SYT16: variants seen among roughly 807,000 people sequenced by gnomAD.
SYT16 encodes synaptotagmin 16, also known as synaptotagmin-16.
Under a neutral mutation model 61.4 loss-of-function variants are expected in SYT16, and 42 were observed. That is an observed-to-expected ratio of 0.68 (90% CI 0.53 to 0.89). The LOEUF is 0.89. Ranked by LOEUF, SYT16 falls within the 40% of genes least tolerant of loss-of-function variation. SYT16 has a pLI of 0.00. For synonymous variants in SYT16, 314 were observed against 302.3 expected, an observed-to-expected ratio of 1.04 and a Z score of -0.40; for missense variants, 804 against 807.3, an observed-to-expected ratio of 1.00 and a Z score of 0.05.
intron 1 of SYT16, among the ~76,000 whole-genome samples, chr14:61,823,688 G>T (rs1024835296): frequency 5.9e-5 from 9 of 152,250 alleles, no homozygotes; most frequent in Non-Finnish European, 1.3e-4. Context: ...GGAGGTGAAG[G>T]TTGCAGTGAG....
chr14:61,935,122 C>G (rs1020943732), intron 1 of SYT16, among the ~76,000 whole-genome samples: 1 of 152,122 alleles, frequency 6.6e-6, no homozygotes, highest in African/African-American at 2.4e-5. Flanking sequence ...TTTTTCCCCT[C>G]TAATTTTACT....
chr14:62,066,564 G>A (rs1954484), intron 3 of SYT16, among the ~76,000 whole-genome samples: 36,686 of 152,060 alleles, frequency 0.24, 4,543 homozygotes, highest in Middle Eastern at 0.29. Flanking sequence ...GTGTTTAAAA[G>A]TATTTTCTCT....
chr14:61,957,008 A>G (rs943070385), intron 1 of SYT16, among the ~76,000 whole-genome samples: 3 of 151,874 alleles, frequency 2.0e-5, no homozygotes, highest in Non-Finnish European at 4.4e-5. Flanking sequence ...GTAGTTTTCC[A>G]TGTATAAGTC....
intron 2 of SYT16, among the ~76,000 whole-genome samples, chr14:61,975,938 G>A (rs549102195): frequency 6.6e-6 from 1 of 152,220 alleles, no homozygotes; most frequent in East Asian, 1.9e-4. Flanking sequence ...CTGAGACAAG[G>A]CAAGTCCCTT....
chr14:61,940,357 G>A (rs1207360657), intron 1 of SYT16, among the ~76,000 whole-genome samples: 4 of 151,336 alleles, frequency 2.6e-5, no homozygotes, highest in Admixed American at 6.6e-5. Context: ...CTCTCCTCAC[G>A]GCCACTGAAT....
chr14:61,875,805 T>G lies in SYT16; in HGVS notation c.-325+62995T>G, dbSNP rs578168629. ...TCTGTATTCCTTATGGCATCTCTAT[T>G]CCCAGAGGGAACACTGGGTGATCTC... On this transcript the variant is annotated intron_variant, in intron 1 of 7. Transcript: ENST00000683842. Among the ~76,000 whole-genome samples the G allele has an allele frequency of 7.9e-5, 12 of 152,304 alleles. No homozygotes were observed. In the East Asian group the frequency reaches 2.3e-3, roughly 29 times the overall value.
At chr14:61,986,683 T>C (rs565202320) in intron 2 of SYT16, among the ~76,000 whole-genome samples, 21 of 152,258 alleles carry the variant, frequency 1.4e-4, no homozygotes, top group African/African-American at 5.1e-4. Flanking sequence ...GATACTTTCA[T>C]AGATTTGAAT....
At chr14:61,820,987 T>C (rs2045602807) in intron 1 of SYT16, among the ~76,000 whole-genome samples, 1 of 152,156 alleles carries the variant, frequency 6.6e-6, no homozygotes, top group African/African-American at 2.4e-5. Flanking sequence ...ATGTTGACAT[T>C]CCCTGTCTCT....
At chr14:62,036,238 A>G in intron 3 of SYT16, among the ~76,000 whole-genome samples, 1 of 152,160 alleles carries the variant, frequency 6.6e-6, no homozygotes, top group South Asian at 2.1e-4. Context: ...GTTGGAAATG[A>G]GAGTATGGGA....
chr14:61,995,363 T>C (rs902651250), intron 2 of SYT16, among the ~76,000 whole-genome samples: 2 of 152,118 alleles, frequency 1.3e-5, no homozygotes, highest in Admixed American at 6.6e-5. Flanking sequence ...CAAGAATAGA[T>C]ATGATTTCTA....
Position 62,083,455 on chromosome 14 carries a change from C to T in SYT16, c.1435-741C>T, listed in dbSNP as rs114249639. Among the ~76,000 whole-genome samples the T allele has an allele frequency of 2.2e-3, 340 of 152,214 alleles. 3 individuals are homozygous for T. The highest frequency in any genetic ancestry group is 7.7e-3 in the African/African-American group (320 of 41,536). ...TTTGTGCTCCTCCTCCCGATGTGCC[C>T]GTGCCTGGTGGGGAAGTGTAGGTGC... On this transcript the variant is annotated intron_variant, in intron 6 of 7. Transcript: ENST00000683842.
intron 3 of SYT16, among the ~76,000 whole-genome samples, chr14:62,003,359 C>G (rs1250901475): frequency 1.3e-5 from 2 of 151,880 alleles, no homozygotes; most frequent in Admixed American, 1.3e-4. Context: ...TGGTTTGTGA[C>G]TCCCATGGGT....
Position 62,110,778 on chromosome 14 carries a change from A to G in SYT16, c.*10071A>G, listed in dbSNP as rs1420676837. On this transcript the variant is annotated 3_prime_UTR_variant, in exon 8 of 8. Transcript: ENST00000683842. ...CTTTCTTTAGAACAACCTAACTTTG[A>G]GTACAGGCAAAGTATTAAATGGAAT... 6.6e-6 allele frequency: 1 copy of G among 152,100 alleles called. No individual in the cohort carries two copies. The highest frequency in any genetic ancestry group is 1.5e-5 in the Non-Finnish European group (1 of 67,958). 9.4% of individuals were successfully genotyped at this position (152,100 alleles called of 1,614,324 possible). A position where few individuals can be genotyped will look rare whatever the true frequency, so the allele number is the denominator to read the frequency against.
At chr14:62,009,581 T>G (rs2053362323) in intron 3 of SYT16, among the ~76,000 whole-genome samples, 3 of 152,182 alleles carry the variant, frequency 2.0e-5, no homozygotes, top group Admixed American at 2.0e-4. Flanking sequence ...TTCTGCAAAC[T>G]ACGGTTCTCC....
chr14:62,087,164 C>A (rs1226619504), intron 7 of SYT16, among the ~76,000 whole-genome samples: 2 of 151,862 alleles, frequency 1.3e-5, no homozygotes, highest in African/African-American at 2.4e-5. Flanking sequence ...TGGAAGAGAA[C>A]AAGAGAGAGA....
intron 1 of SYT16, among the ~76,000 whole-genome samples, chr14:61,920,892 G>A (rs969362134): frequency 1.3e-5 from 2 of 152,150 alleles, no homozygotes; most frequent in African/African-American, 2.4e-5. Context: ...AAATTAAAGA[G>A]CAGTAAGTGG....
At chr14:61,931,669 AT>A (rs1395033512) in intron 1 of SYT16, among the ~76,000 whole-genome samples, 6 of 151,884 alleles carry the variant, frequency 4.0e-5, no homozygotes, top group African/African-American at 1.2e-4. Flanking sequence ...GGTTGTTTCC[AT>A]TTTTTCCCTA....
chr14:61,867,087 C>G (rs923562911), intron 1 of SYT16, among the ~76,000 whole-genome samples: 1 of 151,848 alleles, frequency 6.6e-6, no homozygotes, highest in Non-Finnish European at 1.5e-5. Context: ...TGGAGTCTCT[C>G]TTCTCTTTCA....
At chr14:62,078,252 A>G (rs1320835450) in intron 5 of SYT16, among the ~76,000 whole-genome samples, 1 of 151,820 alleles carries the variant, frequency 6.6e-6, no homozygotes, top group African/African-American at 2.4e-5. Context: ...AAGAAAGGAG[A>G]CTGTATGTTT....
Sources: allele counts gnomAD v4.1 joint callset (sites outside exome capture counted in the v4.1 genomes callset), GRCh38; gene constraint gnomAD v4.1.1; transcripts MANE v1.5; gene names NCBI Gene and HGNC (gene_info 2026-07-23, HGNC 2026-07-21).